Variants in COG5 observed in about 807,000 individuals in gnomAD.
COG5 encodes conserved oligomeric Golgi complex subunit 5.
A neutral mutation model predicts 110.4 loss-of-function variants in COG5; 86 were observed. The observed-to-expected ratio is 0.78, with a 90% CI of 0.65 to 0.93. The LOEUF is 0.93. COG5 is among the 40% of genes least tolerant of loss of function. The probability of loss-of-function intolerance (pLI) is 0.00; values close to 1 mark genes in which losing one functional copy is unlikely to be tolerated. For missense variants in COG5, 1,077 were observed against 987.0 expected (o/e 1.09, Z -1.22); for synonymous variants, 360 against 334.6 (o/e 1.08, Z -0.83).
At chr7:107,510,558 T>G (rs1197004488) in intron 6 of COG5, among the ~76,000 whole-genome samples, 3 of 152,162 alleles carry the variant, frequency 2.0e-5, no homozygotes, top group Admixed American at 2.0e-4. Flanking sequence ...CTAATAGACA[T>G]CTACAGAACT....
intron 6 of COG5, among the ~76,000 whole-genome samples, chr7:107,473,327 C>A (rs748005326): frequency 6.6e-6 from 1 of 151,818 alleles, no homozygotes; most frequent in Non-Finnish European, 1.5e-5. Context: ...TTTTACCAAG[C>A]TTTGTAGCTT....
At chr7:107,248,283 C>G (rs1802200846) in intron 17 of COG5, 113 bp downstream of exon 17, 1 of 749,598 alleles carries the variant, frequency 1.3e-6, no homozygotes, top group Non-Finnish European at 2.4e-6. Context: ...AATGCCATCA[C>G]AAAAGGAACA....
At chr7:107,558,181 A>G in intron 1 of COG5, 66 bp from the exon 2 acceptor site, 1 of 1,494,852 alleles carries the variant, frequency 6.7e-7, no homozygotes. Flanking sequence ...ATTAAACAAC[A>G]GAACAATTAT....
intron 6 of COG5, among the ~76,000 whole-genome samples, chr7:107,428,995 T>C (rs1375786891): frequency 3.3e-5 from 5 of 152,206 alleles, no homozygotes; most frequent in South Asian, 2.1e-4. Flanking sequence ...GATATTTTGC[T>C]AAATAAAATG....
At chr7:107,314,108 T>C (rs1040161312) in intron 11 of COG5, among the ~76,000 whole-genome samples, 46 of 152,126 alleles carry the variant, frequency 3.0e-4, no homozygotes, top group African/African-American at 1.1e-3. Flanking sequence ...GGGGGACTTT[T>C]AGAAACATTT....
At chr7:107,506,789 C>T (rs1438073880) in intron 6 of COG5, among the ~76,000 whole-genome samples, 1 of 152,226 alleles carries the variant, frequency 6.6e-6, no homozygotes, top group Non-Finnish European at 1.5e-5. Context: ...CACCCAGCTC[C>T]CTAGCTTGTG....
chr7:107,306,096 C>A (rs954936137), intron 11 of COG5, among the ~76,000 whole-genome samples: 1 of 152,078 alleles, frequency 6.6e-6, no homozygotes, highest in Non-Finnish European at 1.5e-5. Context: ...AGCAAACTTG[C>A]AAACACCTAC....
intron 11 of COG5, among the ~76,000 whole-genome samples, chr7:107,319,045 T>A (rs2117039364): frequency 6.6e-6 from 1 of 152,270 alleles, no homozygotes; most frequent in East Asian, 1.9e-4. Context: ...TGTTTTTAAA[T>A]CTTGGTCCTT....
intron 17 of COG5, among the ~76,000 whole-genome samples, chr7:107,242,906 C>T (rs1183149354): frequency 2.6e-5 from 4 of 152,194 alleles, no homozygotes; most frequent in African/African-American, 9.6e-5. Context: ...AAGATCCCCT[C>T]CTCTGCTGCC....
At chr7:107,483,138 T>G (rs1234931814) in intron 6 of COG5, among the ~76,000 whole-genome samples, 1 of 152,158 alleles carries the variant, frequency 6.6e-6, no homozygotes. Context: ...TTTGATAATT[T>G]TATGACATCC....
intron 10 of COG5, among the ~76,000 whole-genome samples, chr7:107,325,623 C>T (rs553807785): frequency 1.2e-4 from 19 of 152,230 alleles, no homozygotes; most frequent in African/African-American, 4.3e-4. Context: ...TGCACTTCAG[C>T]CTGGGCAACA....
intron 5 of COG5, 70 bp downstream of exon 5, chr7:107,548,041 T>TC (rs1243062925): frequency 7.1e-6 from 9 of 1,274,228 alleles, no homozygotes; most frequent in Non-Finnish European, 9.0e-6. Context: ...AAACTCATAC[T>TC]CTTAAATTTT....
intron 12 of COG5, among the ~76,000 whole-genome samples, chr7:107,291,393 A>G (rs1806159206): frequency 6.6e-6 from 1 of 152,130 alleles, no homozygotes; most frequent in South Asian, 2.1e-4. Context: ...GGCATTTTAG[A>G]TACATTGTTG....
At chr7:107,335,582 A>G (rs1810634511) in intron 10 of COG5, among the ~76,000 whole-genome samples, 1 of 152,196 alleles carries the variant, frequency 6.6e-6, no homozygotes, top group South Asian at 2.1e-4. Context: ...AACCAGAAAT[A>G]AACAACAAAA....
chr7:107,387,801 T>C (rs1223807426), intron 7 of COG5, among the ~76,000 whole-genome samples: 2 of 152,246 alleles, frequency 1.3e-5, no homozygotes, highest in Non-Finnish European at 2.9e-5. Context: ...CTTTTTCCAC[T>C]CAGCCCATAA....
At chr7:107,517,170 G>C (rs545649725) in intron 6 of COG5, among the ~76,000 whole-genome samples, 22 of 152,212 alleles carry the variant, frequency 1.4e-4, no homozygotes, top group Non-Finnish European at 2.9e-4. Flanking sequence ...TTAATGACTT[G>C]ATGCAGCTGA....
At chr7:107,265,835 G>A (rs536251669) in intron 14 of COG5, among the ~76,000 whole-genome samples, 2 of 151,924 alleles carry the variant, frequency 1.3e-5, no homozygotes, top group Admixed American at 6.6e-5. Flanking sequence ...TGGGAGGATC[G>A]CTTGAGCTCA....
chr7:107,390,493 C>T (rs1258883226), intron 7 of COG5, among the ~76,000 whole-genome samples: 4 of 152,000 alleles, frequency 2.6e-5, no homozygotes, highest in African/African-American at 9.7e-5. Context: ...CACTTCTCTA[C>T]CATGGAATCA....
chr7:107,282,190 T>C (rs924280220), intron 13 of COG5, among the ~76,000 whole-genome samples: 1 of 152,168 alleles, frequency 6.6e-6, no homozygotes, highest in Non-Finnish European at 1.5e-5. Context: ...GAGCATACTA[T>C]GTGTAACAAA....
Sources: allele counts gnomAD v4.1 joint callset (sites outside exome capture counted in the v4.1 genomes callset), GRCh38; gene constraint gnomAD v4.1.1; transcripts MANE v1.5; gene names NCBI Gene and HGNC (gene_info 2026-07-23, HGNC 2026-07-21).